The following CENPK variants were observed in gnomAD, a reference collection of about 807,000 sequenced individuals.
The protein encoded by CENPK is centromere protein K, also known as SoxLZ/Sox6-binding protein Solt.
A neutral mutation model predicts 40.9 loss-of-function variants in CENPK; 46 were observed. That is an observed-to-expected ratio of 1.13 (90% confidence interval 0.89 to 1.44). The LOEUF is 1.44. Ranked by LOEUF, CENPK falls within the 40% of genes most tolerant of loss-of-function variation. The probability of loss-of-function intolerance (pLI) is 0.00; values close to 1 mark genes in which losing one functional copy is unlikely to be tolerated. For synonymous variants in CENPK, 107 were observed against 104.4 expected, an observed-to-expected ratio of 1.02 and a Z score of -0.15; for missense variants, 288 against 303.5, an observed-to-expected ratio of 0.95 and a Z score of 0.38.
Position 65,542,827 on chromosome 5 carries a change from A to T in CENPK, c.263T>A (p.Val88Asp). 6.2e-7 allele frequency: 1 copy of T among 1,611,146 alleles called. No homozygotes were observed. The highest frequency in any genetic ancestry group is 1.1e-5 in the South Asian group (1 of 90,258). ...CTCTTCTTTTCCTAATGTTATGAGA[A>T]CGTCTTCAGTCAAGGGAATTGCTAC... ...TPETIPLTED[V>D]LITLGKEEFQ... The change falls in exon 6 of 11, where the codon GTT becomes GAT. Residue 88 changes from valine (V) to aspartate (D), a missense_variant. Physicochemically the swap from Val to Asp is radical, Grantham distance 152. Coordinates refer to ENST00000396679, the MANE Select transcript of CENPK (RefSeq NM_022145.5).
chr5:65,499,672 T>A, the CENPK span, among the ~76,000 whole-genome samples: 46 of 147,766 alleles, frequency 3.1e-4, no homozygotes, highest in East Asian at 2.2e-3. Context: ...TTTTAATTTT[T>A]TTTTTTTTAT....
chr5:65,506,093 G>A, the CENPK span, among the ~76,000 whole-genome samples: 9 of 151,982 alleles, frequency 5.9e-5, no homozygotes, highest in African/African-American at 2.2e-4. Context: ...AAAGTTCCTT[G>A]CTCTTTTTAA....
chr5:65,547,608 G>A (rs12521142), intron 5 of CENPK, among the ~76,000 whole-genome samples: 61,827 of 151,850 alleles, frequency 0.41, 12,940 homozygotes, highest in East Asian at 0.65. Context: ...GCAAGAATAT[G>A]GATAAAATTG....
rs984710314 is a variant in CENPK, at chr5:65,522,645, G to A, written c.598-1117C>T. 1.4e-4 allele frequency among the ~76,000 whole-genome samples: 22 copies of A among 152,196 alleles called. No homozygotes were observed. In the South Asian group the frequency reaches 1.5e-3, roughly 10 times the overall value. ...AGGGTCTTGCTACGTTGTCCAAGCT[G>A]GTCTCAAATTTTTGGCTTCAAGTGA... On this transcript the variant is annotated intron_variant, in intron 9 of 10. Transcript: ENST00000396679.
At chr5:65,515,368 A>G (rs1026996166), downstream of CENPK, among the ~76,000 whole-genome samples, 7 of 151,714 alleles carry the variant, frequency 4.6e-5, no homozygotes, top group Non-Finnish European at 8.8e-5. Context: ...ACGCCCGGCT[A>G]ATTTTTTATA....
chr5:65,539,142 GA>G (rs907300555), intron 6 of CENPK, among the ~76,000 whole-genome samples: 1 of 152,046 alleles, frequency 6.6e-6, no homozygotes, highest in Admixed American at 6.6e-5. Context: ...TAAGTTTTGA[GA>G]AAGTGTCTAT....
intron 2 of CENPK, among the ~76,000 whole-genome samples, chr5:65,559,599 A>T (rs1052269891): frequency 6.8e-6 from 1 of 147,464 alleles, no homozygotes; most frequent in Non-Finnish European, 1.5e-5. Context: ...ACTGCACTCC[A>T]GCCTGGGCGA....
At chr5:65,525,554 T>C (rs1744548512) in intron 9 of CENPK, among the ~76,000 whole-genome samples, 1 of 152,184 alleles carries the variant, frequency 6.6e-6, no homozygotes, top group Non-Finnish European at 1.5e-5. Flanking sequence ...GGAGGGAGTT[T>C]TGTTGTTTTT....
chr5:65,507,976 T>G, the CENPK span, among the ~76,000 whole-genome samples: 21 of 152,250 alleles, frequency 1.4e-4, no homozygotes, highest in Non-Finnish European at 2.6e-4. Flanking sequence ...ATGAGGTTAA[T>G]GCATTTTTGG....
intron 5 of CENPK, among the ~76,000 whole-genome samples, chr5:65,549,828 T>C (rs2150502224): frequency 6.6e-6 from 1 of 152,290 alleles, no homozygotes; most frequent in South Asian, 2.1e-4. Context: ...CTAGTAAAAC[T>C]TTCTCTATAA....
At chr5:65,547,326 GA>G (rs1749179425) in intron 5 of CENPK, among the ~76,000 whole-genome samples, 1 of 150,996 alleles carries the variant, frequency 6.6e-6, no homozygotes, top group Admixed American at 6.6e-5. Flanking sequence ...CTGGAAGACA[GA>G]GCTTGCAGTG....
chr5:65,514,274 T>C (rs1175316657), downstream of CENPK, among the ~76,000 whole-genome samples: 24 of 96,162 alleles, frequency 2.5e-4, no homozygotes, highest in African/African-American at 8.9e-4. Context: ...TTTTTTTTAG[T>C]TTTTTTTGAG....
At position 65,563,134 on chromosome 5, in the gene CENPK, T is replaced by A; in HGVS notation, c.-178A>T. 1.3e-6 allele frequency: 1 copy of A among 770,808 alleles called. No homozygotes were observed. Among genetic ancestry groups the A allele is most frequent in the South Asian group, 1.9e-5 (1 of 52,820 alleles). 47.7% of individuals were successfully genotyped at this position (770,808 alleles called of 1,614,324 possible). A position where few individuals can be genotyped will look rare whatever the true frequency, so the allele number is the denominator to read the frequency against. On this transcript the variant is annotated 5_prime_UTR_variant, in exon 1 of 11. Coordinates refer to ENST00000396679, the MANE Select transcript of CENPK (RefSeq NM_022145.5). ...CACAAACTCCAGGTCGCCTAGGCGC[T>A]GCGCAGGAAGCGCTTGCCAGCCCCG... is the stretch of plus-strand genomic sequence containing the variant.
At chr5:65,547,065 A>G (rs1749130504) in intron 5 of CENPK, among the ~76,000 whole-genome samples, 1 of 152,146 alleles carries the variant, frequency 6.6e-6, no homozygotes, top group East Asian at 1.9e-4. Flanking sequence ...TAATGCTGGT[A>G]TAGCTTATAG....
chr5:65,529,300 G>T, intron 6 of CENPK, 101 bp from the exon 7 acceptor site: 1 of 722,398 alleles, frequency 1.4e-6, no homozygotes, highest in Non-Finnish European at 2.3e-6. Context: ...CTTCCATTCA[G>T]ACATCAGTAG....
At chr5:65,545,324 G>GCGCACACA (rs1170600629) in intron 5 of CENPK, among the ~76,000 whole-genome samples, 3 of 64,322 alleles carry the variant, frequency 4.7e-5, no homozygotes, top group African/African-American at 1.3e-4. Context: ...CTCAAAGCGC[G>GCGCACACA]CACACACACA....
intron 2 of CENPK, among the ~76,000 whole-genome samples, chr5:65,558,651 C>T (rs1751392335): frequency 1.3e-5 from 2 of 152,178 alleles, no homozygotes; most frequent in African/African-American, 4.8e-5. Context: ...AGTAGCATTA[C>T]AGGCTCACCT....
At chr5:65,554,300 C>G (rs1016299423) in intron 3 of CENPK, among the ~76,000 whole-genome samples, 1 of 152,066 alleles carries the variant, frequency 6.6e-6, no homozygotes, top group East Asian at 1.9e-4. Flanking sequence ...TAAAGGTGCA[C>G]ACCACCGTGC....
chr5:65,529,952 G>A (rs552133582), intron 6 of CENPK, among the ~76,000 whole-genome samples: 193 of 151,664 alleles, frequency 1.3e-3, no homozygotes, highest in African/African-American at 4.5e-3. Context: ...ATACAGGCAC[G>A]TGCCACCACG....
Sources: allele counts gnomAD v4.1 joint callset (sites outside exome capture counted in the v4.1 genomes callset), GRCh38; gene constraint gnomAD v4.1.1; transcripts MANE v1.5; gene names NCBI Gene and HGNC (gene_info 2026-07-23, HGNC 2026-07-21).